Variants in COL9A1 observed in about 807,000 individuals in gnomAD.
The protein encoded by COL9A1 is collagen alpha-1(IX) chain.
COL9A1 carries 104 observed loss-of-function variants against 142.6 expected under a neutral mutation model. The observed-to-expected ratio is 0.73, with a 90% CI of 0.62 to 0.86. The LOEUF is 0.86. COL9A1 is among the 40% of genes least tolerant of loss of function. COL9A1 has a pLI of 0.00. For synonymous variants in COL9A1, 466 were observed against 396.0 expected (o/e 1.18, Z -2.10); for missense variants, 1,210 against 1,176.6 (o/e 1.03, Z -0.42).
At chr6:70,271,349 G>T (rs1772389573) in intron 14 of COL9A1, among the ~76,000 whole-genome samples, 2 of 152,076 alleles carry the variant, frequency 1.3e-5, no homozygotes, top group African/African-American at 4.8e-5. Flanking sequence ...CATGCAGGGA[G>T]CCTAATACAA....
chr6:70,284,663 A>G (rs181948601), intron 5 of COL9A1, among the ~76,000 whole-genome samples: 11 of 152,298 alleles, frequency 7.2e-5, no homozygotes, highest in East Asian at 5.8e-4. Context: ...AAAAAAATTA[A>G]AATGTCATAT....
intron 33 of COL9A1, among the ~76,000 whole-genome samples, chr6:70,237,343 G>C (rs1018261293): frequency 2.0e-5 from 3 of 152,314 alleles, no homozygotes; most frequent in Middle Eastern, 3.4e-3. Flanking sequence ...CTGAGGAGTG[G>C]TATACTGAAA....
chr6:70,293,576 C>A (rs1773729464), intron 5 of COL9A1, among the ~76,000 whole-genome samples: 1 of 151,056 alleles, frequency 6.6e-6, no homozygotes, highest in Non-Finnish European at 1.5e-5. Flanking sequence ...GCTTTCTAAC[C>A]TCATCTCTCA....
intron 28 of COL9A1, among the ~76,000 whole-genome samples, 163 bp from the exon 29 acceptor site, chr6:70,242,878 T>A (rs1384972062): frequency 6.6e-6 from 1 of 152,238 alleles, no homozygotes; most frequent in Non-Finnish European, 1.5e-5. Context: ...TTGCATTGAA[T>A]GATTCGAATG....
chr6:70,303,059 C>T lies in COL9A1; in HGVS notation c.-135G>A. 3.2e-6 allele frequency: 3 copies of T among 930,778 alleles called. No individual in the cohort carries two copies. The highest frequency in any genetic ancestry group is 3.4e-5 in the Admixed American group (2 of 58,282). 57.7% of individuals were successfully genotyped at this position (930,778 alleles called of 1,614,324 possible). On this transcript the variant is annotated 5_prime_UTR_variant, in exon 1 of 38. Coordinates refer to ENST00000357250, the MANE Select transcript of COL9A1 (RefSeq NM_001851.6). ...TGGGCCCAGCCTTGGTCCCTCCTGCCCCCGGTGAGGGCTAAAAGCAAAGGG... is the reference window on the plus strand; with the variant it reads ...TGGGCCCAGCCTTGGTCCCTCCTGCTCCCGGTGAGGGCTAAAAGCAAAGGG...
intron 28 of COL9A1, among the ~76,000 whole-genome samples, chr6:70,249,374 C>A (rs891776360): frequency 2.0e-5 from 3 of 152,094 alleles, no homozygotes; most frequent in Non-Finnish European, 2.9e-5. Flanking sequence ...AGACACCCTG[C>A]CATGTGCAAG....
In COL9A1 at chr6:70,273,397, T is replaced by C. The variant is rs117418414; in HGVS notation, c.1065+650A>G. ...CCAGCAAGCTGTTCACTTCTGAAAATAGGCTTATAATGGAAAAGTTGACAT... is the reference window on the plus strand; with the variant it reads ...CCAGCAAGCTGTTCACTTCTGAAAACAGGCTTATAATGGAAAAGTTGACAT... On this transcript the variant is annotated intron_variant, in intron 12 of 37. Coordinates refer to ENST00000357250, the MANE Select transcript of COL9A1 (RefSeq NM_001851.6). 2.9e-3 allele frequency among the ~76,000 whole-genome samples: 446 copies of C among 152,108 alleles called. 1 individual carries two copies. Among genetic ancestry groups the C allele is most frequent in the Non-Finnish European group, 4.7e-3 (319 of 67,976 alleles).
chr6:70,236,897 C>A (rs1336351806), intron 33 of COL9A1, among the ~76,000 whole-genome samples: 1 of 152,004 alleles, frequency 6.6e-6, no homozygotes, highest in Non-Finnish European at 1.5e-5. Flanking sequence ...TCTCGGCTCA[C>A]CACAACCTCC....
intron 10 of COL9A1, among the ~76,000 whole-genome samples, chr6:70,278,020 T>C (rs1040934934): frequency 5.9e-5 from 9 of 152,182 alleles, no homozygotes; most frequent in Non-Finnish European, 2.9e-5. Context: ...CAATTTAGAA[T>C]AAAAGATTTT....
At chr6:70,301,421 T>C (rs574224090) in intron 2 of COL9A1, among the ~76,000 whole-genome samples, 5 of 152,002 alleles carry the variant, frequency 3.3e-5, no homozygotes, top group South Asian at 2.1e-4. Flanking sequence ...ACTAAAAATA[T>C]AAAAAATTAG....
In COL9A1 at chr6:70,269,548, A is replaced by G. The variant is rs957874261; in HGVS notation, c.1230+85T>C. ...AAAACACAGACACATAGAATATTCCAGGGAAATCTTTTAAAGAAAACTCAT... is the reference window on the plus strand; with the variant it reads ...AAAACACAGACACATAGAATATTCCGGGGAAATCTTTTAAAGAAAACTCAT... On this transcript the variant is annotated intron_variant, in intron 16 of 37. Transcript: ENST00000357250. 24 of 941,974 alleles carry G rather than the reference A, an allele frequency of 2.5e-5. 1 individual carries two copies. The highest frequency in any genetic ancestry group is 2.0e-4 in the South Asian group (15 of 75,478). The allele number at this position is 941,974 out of a possible 1,614,324, so 58.4% of individuals were successfully genotyped here. A position where few individuals can be genotyped will look rare whatever the true frequency, so the allele number is the denominator to read the frequency against.
chr6:70,242,059 C>A, intron 29 of COL9A1, 24 bp from the exon 30 acceptor site: 1 of 1,572,694 alleles, frequency 6.4e-7, no homozygotes, highest in Non-Finnish European at 8.7e-7. Flanking sequence ...ACAAAGTCCC[C>A]GGAGTTACTG....
At chr6:70,265,915 C>T (rs564395492) in intron 18 of COL9A1, among the ~76,000 whole-genome samples, 1 of 152,196 alleles carries the variant, frequency 6.6e-6, no homozygotes, top group South Asian at 2.1e-4. Flanking sequence ...AAAGAATAGA[C>T]TAACCTTCTA....
At chr6:70,238,407 C>T (rs1352874662) in intron 33 of COL9A1, among the ~76,000 whole-genome samples, 1 of 152,206 alleles carries the variant, frequency 6.6e-6, no homozygotes, top group Non-Finnish European at 1.5e-5. Context: ...TACATCTAAT[C>T]TCTAAGGACA....
intron 5 of COL9A1, among the ~76,000 whole-genome samples, chr6:70,293,661 AC>A (rs1465488193): frequency 2.7e-5 from 4 of 150,318 alleles, no homozygotes; most frequent in Admixed American, 2.6e-4. Flanking sequence ...ACACACACAC[AC>A]ACACACACAC....
chr6:70,250,038 A>C (rs796126293), intron 28 of COL9A1, among the ~76,000 whole-genome samples: 2 of 152,162 alleles, frequency 1.3e-5, no homozygotes, highest in Non-Finnish European at 2.9e-5. Context: ...AAAAGGGTGA[A>C]TCTCCTGAGC....
In COL9A1 at chr6:70,280,732, T is replaced by TCC. The variant is rs67240674; in HGVS notation, c.975+78_975+79dup. On this transcript the variant is annotated intron_variant, in intron 10 of 37. Coordinates refer to ENST00000357250, the MANE Select transcript of COL9A1 (RefSeq NM_001851.6). Reference sequence around the variant, plus strand: ...CTCTCTCTCTCTTTCTCTCTCTCCCTCCCCCCCCACAAAACACACACTTAC... The same window carrying TCC: ...CTCTCTCTCTCTTTCTCTCTCTCCCTCCCCCCCCCCACAAAACACACACTTAC... 2.8e-4 allele frequency: 382 copies of TCC among 1,376,564 alleles called. 1 individual carries two copies. The highest frequency in any genetic ancestry group is 2.7e-3 in the African/African-American group (183 of 68,500). The allele number at this position is 1,376,564 out of a possible 1,614,324, so 85.3% of individuals were successfully genotyped here.
chr6:70,282,955 A>G (rs1163119011), intron 6 of COL9A1, 37 bp from the exon 7 acceptor site: 1 of 1,613,852 alleles, frequency 6.2e-7, no homozygotes, highest in Non-Finnish European at 8.5e-7. Flanking sequence ...TGAGAAAAGC[A>G]CCCCTCAAAC....
intron 33 of COL9A1, among the ~76,000 whole-genome samples, chr6:70,238,019 G>A (rs1018942593): frequency 6.6e-6 from 1 of 152,226 alleles, no homozygotes. Context: ...TTCTAGGTAT[G>A]TAGGAGATGA....
Sources: allele counts gnomAD v4.1 joint callset (sites outside exome capture counted in the v4.1 genomes callset), GRCh38; gene constraint gnomAD v4.1.1; transcripts MANE v1.5; gene names NCBI Gene and HGNC (gene_info 2026-07-23, HGNC 2026-07-21).